TMEM132D: variants seen among roughly 807,000 people sequenced by gnomAD.
TMEM132D encodes mature OL transmembrane protein.
A neutral mutation model predicts 62.3 loss-of-function variants in TMEM132D; 21 were observed. The ratio of observed to expected loss-of-function variants is 0.34; its 90% CI spans 0.24 to 0.49. The LOEUF (loss-of-function observed/expected upper bound fraction) is 0.49. Ranked by LOEUF, TMEM132D falls within the 20% of genes least tolerant of loss-of-function variation. The pLI, the probability that TMEM132D is intolerant of heterozygous loss-of-function variation, is 0.99. For synonymous variants in TMEM132D, 621 were observed against 575.6 expected, an observed-to-expected ratio of 1.08 and a Z score of -1.13; for missense variants, 1,346 against 1,402.8, an observed-to-expected ratio of 0.96 and a Z score of 0.65.
At chr12:129,276,032 G>T (rs1880996562) in intron 4 of TMEM132D, among the ~76,000 whole-genome samples, 1 of 151,146 alleles carries the variant, frequency 6.6e-6, no homozygotes, top group South Asian at 2.1e-4. Context: ...TGGATGCACA[G>T]GTTTGTTTGT....
intron 3 of TMEM132D, among the ~76,000 whole-genome samples, chr12:129,359,832 T>G (rs1384542623): frequency 2.6e-5 from 4 of 151,340 alleles, no homozygotes; most frequent in Admixed American, 6.6e-5. Flanking sequence ...GGAAAATAAA[T>G]GAAAGGGCAG....
chr12:129,376,129 C>A (rs891521386), intron 3 of TMEM132D, among the ~76,000 whole-genome samples: 5 of 152,126 alleles, frequency 3.3e-5, no homozygotes, highest in African/African-American at 1.2e-4. Flanking sequence ...ACAGCTATAA[C>A]TTTTCAGGGG....
intron 3 of TMEM132D, among the ~76,000 whole-genome samples, chr12:129,421,848 T>G (rs964489559): frequency 1.9e-4 from 29 of 152,216 alleles, no homozygotes; most frequent in African/African-American, 7.0e-4. Flanking sequence ...TGGAAAATCT[T>G]TCCTCATCTC....
intron 4 of TMEM132D, among the ~76,000 whole-genome samples, chr12:129,291,158 G>A (rs1415782404): frequency 2.0e-5 from 3 of 152,090 alleles, no homozygotes; most frequent in African/African-American, 7.2e-5. Flanking sequence ...TCAGTCAATG[G>A]GGCACGGCTG....
intron 5 of TMEM132D, among the ~76,000 whole-genome samples, chr12:129,090,979 G>C (rs2135627580): frequency 6.6e-6 from 1 of 152,298 alleles, no homozygotes; most frequent in South Asian, 2.1e-4. Context: ...CAAAAGTGGA[G>C]AAAACAGAAG....
chr12:129,208,680 C>A (rs549835613), intron 5 of TMEM132D: 3 of 152,320 alleles, frequency 2.0e-5, no homozygotes, highest in Non-Finnish European at 2.9e-5. Flanking sequence ...CCTCGTGAAG[C>A]CCTTCTCGCT....
intron 3 of TMEM132D, among the ~76,000 whole-genome samples, chr12:129,513,206 G>A (rs1015559793): frequency 6.6e-6 from 1 of 152,138 alleles, no homozygotes; most frequent in Non-Finnish European, 1.5e-5. Context: ...GTCAAAAAGG[G>A]AGCATACATG....
intron 4 of TMEM132D, among the ~76,000 whole-genome samples, chr12:129,293,643 G>T (rs532180499): frequency 7.0e-4 from 106 of 152,302 alleles, no homozygotes; most frequent in Non-Finnish European, 2.9e-5. Context: ...GATGGAGACA[G>T]TAACAGATCA....
At chr12:129,188,762 G>GAGAGAGAGA (rs1878293924) in intron 5 of TMEM132D, among the ~76,000 whole-genome samples, 2 of 126,326 alleles carry the variant, frequency 1.6e-5, no homozygotes, top group African/African-American at 5.8e-5. Context: ...AGGGAGAGAG[G>GAGAGAGAGA]GAGAGAGAGA....
At chr12:129,682,351 C>T (rs1380485960) in intron 2 of TMEM132D, among the ~76,000 whole-genome samples, 2 of 152,138 alleles carry the variant, frequency 1.3e-5, no homozygotes, top group Admixed American at 6.5e-5. Flanking sequence ...GGAACTGAGG[C>T]CCAGTGAGCT....
intron 1 of TMEM132D, among the ~76,000 whole-genome samples, chr12:129,740,900 C>T (rs1230150513): frequency 6.6e-6 from 1 of 152,198 alleles, no homozygotes; most frequent in Non-Finnish European, 1.5e-5. Flanking sequence ...TTCCTGTACA[C>T]ACTATTCAGG....
At chr12:129,782,660 A>C (rs1219915239) in intron 1 of TMEM132D, among the ~76,000 whole-genome samples, 6 of 152,256 alleles carry the variant, frequency 3.9e-5, no homozygotes, top group Non-Finnish European at 5.9e-5. Flanking sequence ...ATTCCTGATA[A>C]AGCCAGGTAA....
rs1360643905 is a variant in TMEM132D, at chr12:129,371,365, TGTGATGATG to T, written c.1116-33557_1116-33549del. ...ATTATAATGATGGTGACAATAATGA[TGTGATGATG>T]GTGATGATGAATGATGATGGTGGTG... On this transcript the variant is annotated intron_variant, in intron 3 of 8. Coordinates refer to ENST00000422113, the MANE Select transcript of TMEM132D (RefSeq NM_133448.3). This position sits in a 1 kb window ranked among gnomAD's most constrained non-coding sequence, Gnocchi z 4.3. Among the ~76,000 whole-genome samples, 1 of 151,624 alleles carries T rather than the reference TGTGATGATG, an allele frequency of 6.6e-6. No individual in the cohort carries two copies. Among genetic ancestry groups the T allele is most frequent in the Non-Finnish European group, 1.5e-5 (1 of 67,896 alleles).
intron 1 of TMEM132D, among the ~76,000 whole-genome samples, chr12:129,722,268 CG>C (rs1164920012): frequency 6.6e-6 from 1 of 152,180 alleles, no homozygotes; most frequent in Non-Finnish European, 1.5e-5. Flanking sequence ...AGAACCTATC[CG>C]GGTTGGGCCA....
chr12:129,425,878 G>A (rs539218709), intron 3 of TMEM132D, among the ~76,000 whole-genome samples: 1 of 152,346 alleles, frequency 6.6e-6, no homozygotes, highest in East Asian at 1.9e-4. Flanking sequence ...ACGCCACATA[G>A]GCAATGGAGC....
At chr12:129,763,772 C>T (rs1408807972) in intron 1 of TMEM132D, among the ~76,000 whole-genome samples, 1 of 151,992 alleles carries the variant, frequency 6.6e-6, no homozygotes, top group East Asian at 1.9e-4. Context: ...GTCCTGTAAA[C>T]TGAGTGTGCC....
intron 3 of TMEM132D, among the ~76,000 whole-genome samples, chr12:129,354,788 AG>A (rs1869986824): frequency 6.6e-6 from 1 of 152,218 alleles, no homozygotes; most frequent in South Asian, 2.1e-4. Context: ...AGGGTTACCC[AG>A]CTAATAAACG....
At chr12:129,520,403 A>G (rs1001976598) in intron 3 of TMEM132D, among the ~76,000 whole-genome samples, 3 of 152,250 alleles carry the variant, frequency 2.0e-5, no homozygotes, top group African/African-American at 7.2e-5. Context: ...TAGTCTCCAC[A>G]TGGAATTCAT....
intron 1 of TMEM132D, among the ~76,000 whole-genome samples, chr12:129,771,170 C>A (rs1445306065): frequency 6.6e-6 from 1 of 152,220 alleles, no homozygotes. Flanking sequence ...CACTCTAAGA[C>A]GAGGGTACTC....
Sources: gnomAD v4.1 joint callset for allele counts (sites outside exome capture counted in the v4.1 genomes callset) on GRCh38, gnomAD v4.1.1 for gene constraint, Gnocchi (gnomAD v3.1) non-coding constraint, MANE v1.5 for transcripts, NCBI Gene and HGNC (gene_info 2026-07-23, HGNC 2026-07-21) for gene names.